The following PRKG1 variants were observed in gnomAD, a reference collection of about 807,000 sequenced individuals.
PRKG1 encodes protein kinase cGMP-dependent 1, also known as cGMP-dependent protein kinase 1.
A neutral mutation model predicts 88.1 loss-of-function variants in PRKG1; 35 were observed. The observed-to-expected ratio is 0.40, with a 90% CI of 0.30 to 0.53. The LOEUF is 0.53. PRKG1 is among the 20% of genes least tolerant of loss of function. The probability of loss-of-function intolerance (pLI) is 0.59; values close to 1 mark genes in which losing one functional copy is unlikely to be tolerated. For synonymous variants in PRKG1, 303 were observed against 292.5 expected, an observed-to-expected ratio of 1.04 and a Z score of -0.37; for missense variants, 540 against 839.8, an observed-to-expected ratio of 0.64 and a Z score of 4.41.
intron 7 of PRKG1, among the ~76,000 whole-genome samples, chr10:52,108,208 C>T (rs1416452234): frequency 6.6e-6 from 1 of 152,206 alleles, no homozygotes; most frequent in African/African-American, 2.4e-5. Flanking sequence ...ACTCATATTT[C>T]ATCCTTCTCT....
At chr10:51,943,603 C>A (rs554689229) in intron 5 of PRKG1, among the ~76,000 whole-genome samples, 7 of 152,020 alleles carry the variant, frequency 4.6e-5, no homozygotes, top group African/African-American at 1.7e-4. Context: ...TCATAGATAG[C>A]CCTTATTATT....
At chr10:52,110,264 C>T (rs530578407) in intron 7 of PRKG1, among the ~76,000 whole-genome samples, 39 of 151,162 alleles carry the variant, frequency 2.6e-4, no homozygotes, top group African/African-American at 9.1e-4. Context: ...AGGAGAATGG[C>T]GTGCTTGCAG....
At position 52,010,561 on chromosome 10, in the gene PRKG1, A is replaced by G. The variant is rs369504780; in HGVS notation, c.763-43923A>G. ...CTTTCATATTTCAAACTTCAGTGTC[A>G]TGTAATACACCCATGTAACAAACCT... On this transcript the variant is annotated intron_variant, in intron 5 of 17. Coordinates refer to ENST00000373980, the MANE Select transcript of PRKG1 (RefSeq NM_006258.4). 2.6e-5 allele frequency among the ~76,000 whole-genome samples: 4 copies of G among 152,266 alleles called. No homozygotes were observed. In the East Asian group the frequency reaches 7.7e-4, roughly 29 times the overall value.
At chr10:51,100,814 T>A (rs1344241722) in intron 1 of PRKG1, among the ~76,000 whole-genome samples, 4 of 152,148 alleles carry the variant, frequency 2.6e-5, no homozygotes, top group Non-Finnish European at 5.9e-5. Flanking sequence ...TTCTAAAGAC[T>A]TATGAATCTT....
At chr10:51,117,239 T>C (rs1845148178) in intron 1 of PRKG1, among the ~76,000 whole-genome samples, 1 of 152,200 alleles carries the variant, frequency 6.6e-6, no homozygotes, top group South Asian at 2.1e-4. Flanking sequence ...CAATCATAGG[T>C]CTGCTTTTGC....
intron 3 of PRKG1, among the ~76,000 whole-genome samples, chr10:51,485,314 AATTCTTCACAGG>A (rs1314300002): frequency 6.6e-6 from 1 of 152,202 alleles, no homozygotes; most frequent in African/African-American, 2.4e-5. Flanking sequence ...AACTACTTGG[AATTCTTCACAGG>A]ATAAGTGATT....
intron 2 of PRKG1, among the ~76,000 whole-genome samples, chr10:51,410,338 C>T (rs552322269): frequency 6.6e-6 from 1 of 151,168 alleles, no homozygotes; most frequent in Non-Finnish European, 1.5e-5. Flanking sequence ...CAAGGTCCCA[C>T]AATAGGCCAT....
chr10:51,460,396 A>G (rs1035550304), intron 2 of PRKG1, among the ~76,000 whole-genome samples: 3 of 152,170 alleles, frequency 2.0e-5, no homozygotes, highest in Admixed American at 6.5e-5. Flanking sequence ...CTCATGTATT[A>G]TAGAAAAAAC....
At chr10:51,067,583 A>AT (rs1299376160) in intron 1 of PRKG1, among the ~76,000 whole-genome samples, 2 of 151,992 alleles carry the variant, frequency 1.3e-5, no homozygotes, top group Non-Finnish European at 2.9e-5. Context: ...AACATAGATG[A>AT]TTTTCTAAAG....
chr10:51,089,258 A>C (rs1442456897), intron 1 of PRKG1, among the ~76,000 whole-genome samples: 1 of 152,230 alleles, frequency 6.6e-6, no homozygotes, highest in East Asian at 1.9e-4. Context: ...CTTAAAAATA[A>C]GATAGACTGA....
chr10:51,320,559 C>T (rs1471094535), intron 2 of PRKG1: 1 of 152,404 alleles, frequency 6.6e-6, no homozygotes, highest in East Asian at 1.9e-4. Flanking sequence ...CATATGAGTA[C>T]CTCTATGGCA....
At chr10:51,569,800 C>T (rs1039887114) in intron 3 of PRKG1, among the ~76,000 whole-genome samples, 5 of 151,830 alleles carry the variant, frequency 3.3e-5, no homozygotes, top group Non-Finnish European at 1.5e-5. Context: ...AAACGTATGC[C>T]TCCCTGATGA....
intron 3 of PRKG1, among the ~76,000 whole-genome samples, chr10:51,761,661 C>A (rs1333280807): frequency 6.6e-6 from 1 of 151,996 alleles, no homozygotes; most frequent in Non-Finnish European, 1.5e-5. Flanking sequence ...ATTACTTTTT[C>A]AAAAAGTGTT....
In PRKG1 at chr10:50,991,857, A is replaced by G. The variant is rs1012057981; in HGVS notation, c.266+213A>G. Among the ~76,000 whole-genome samples, 3 of 152,114 alleles carry G rather than the reference A, an allele frequency of 2.0e-5. No individual in the cohort carries two copies. Among genetic ancestry groups the G allele is most frequent in the Non-Finnish European group, 4.4e-5 (3 of 67,976 alleles). The stretch of plus-strand genomic sequence containing the variant: ...GTGCTTGTCTCCGCCGGGCTGGGAA[A>G]GGCGAGCTGCACGGGGAGACGCGCC... On this transcript the variant is annotated intron_variant, in intron 1 of 17. Coordinates refer to the PRKG1 transcript ENST00000401604. This position sits in a 1 kb window ranked among gnomAD's most constrained non-coding sequence, Gnocchi z 4.5.
chr10:51,481,956 A>G (rs1194159067), intron 3 of PRKG1, among the ~76,000 whole-genome samples: 1 of 152,054 alleles, frequency 6.6e-6, no homozygotes, highest in African/African-American at 2.4e-5. Flanking sequence ...ATTTTTTTTT[A>G]GTTCATATAC....
At chr10:51,944,240 A>C (rs369838062) in intron 5 of PRKG1, among the ~76,000 whole-genome samples, 1 of 151,960 alleles carries the variant, frequency 6.6e-6, no homozygotes, top group African/African-American at 2.4e-5. Context: ...GTTTATTTGC[A>C]TAGAGGTGTT....
chr10:52,177,205 G>A (rs1287121878), intron 9 of PRKG1, among the ~76,000 whole-genome samples: 1 of 152,030 alleles, frequency 6.6e-6, no homozygotes, highest in Non-Finnish European at 1.5e-5. Context: ...TTTATTGAGA[G>A]TTTATATTAT....
At chr10:52,158,150 C>T (rs566135894) in intron 8 of PRKG1, among the ~76,000 whole-genome samples, 57 of 151,568 alleles carry the variant, frequency 3.8e-4, no homozygotes, top group African/African-American at 1.2e-3. Flanking sequence ...TAAAATGTAA[C>T]GTGTGTATGA....
At chr10:52,200,987 CT>C (rs1244970285) in intron 9 of PRKG1, among the ~76,000 whole-genome samples, 2 of 152,108 alleles carry the variant, frequency 1.3e-5, no homozygotes, top group African/African-American at 4.8e-5. Flanking sequence ...CAAATATTTT[CT>C]TCCATTCTGT....
Sources: allele counts gnomAD v4.1 joint callset (sites outside exome capture counted in the v4.1 genomes callset), GRCh38; gene constraint gnomAD v4.1.1; non-coding constraint Gnocchi (gnomAD v3.1); transcripts MANE v1.5; gene names NCBI Gene and HGNC (gene_info 2026-07-23, HGNC 2026-07-21).